The following NCKAP5 variants were observed in gnomAD, a reference collection of about 807,000 sequenced individuals.
The protein encoded by NCKAP5 is NCK associated protein 5.
A neutral mutation model predicts 167.0 loss-of-function variants in NCKAP5; 92 were observed. The ratio of observed to expected loss-of-function variants is 0.55; its 90% CI spans 0.47 to 0.66. The LOEUF (loss-of-function observed/expected upper bound fraction) is 0.66. NCKAP5 is among the 30% of genes least tolerant of loss of function. NCKAP5 has a pLI of 0.00. For synonymous variants in NCKAP5, 891 were observed against 877.4 expected (o/e 1.02, Z -0.27); for missense variants, 2,378 against 2,315.0 (o/e 1.03, Z -0.56).
rs2082096761 is a variant in NCKAP5 at position 133,116,730 on chromosome 2, C to T, written c.341+13248G>A. On this transcript the variant is annotated intron_variant, in intron 6 of 19. Transcript: ENST00000409261. ...TGTAGTGTACAACAGGAAGAGAACC[C>T]TTAAGGGACAGACAGACCTGACTTA... Among the ~76,000 whole-genome samples, 4 of 152,228 alleles carry T rather than the reference C, an allele frequency of 2.6e-5. No individual in the cohort carries two copies. In the South Asian group the frequency reaches 6.2e-4, roughly 24 times the overall value.
intron 12 of NCKAP5, among the ~76,000 whole-genome samples, chr2:132,793,146 A>G (rs970196078): frequency 2.6e-5 from 4 of 152,222 alleles, no homozygotes; most frequent in African/African-American, 9.6e-5. Flanking sequence ...AGTAGCTGGC[A>G]TTACAGGCAT....
chr2:133,443,665 C>T (rs537008990), intron 3 of NCKAP5, among the ~76,000 whole-genome samples: 84 of 152,290 alleles, frequency 5.5e-4, no homozygotes, highest in Non-Finnish European at 5.6e-4. Context: ...AGCATGCAGA[C>T]TTCCATCAAC....
chr2:133,212,231 T>G (rs2086239983), intron 5 of NCKAP5, among the ~76,000 whole-genome samples: 1 of 152,192 alleles, frequency 6.6e-6, no homozygotes, highest in Non-Finnish European at 1.5e-5. Context: ...AACAAAAGAC[T>G]GAAACATTAC....
chr2:132,894,442 T>G (rs968949920), intron 8 of NCKAP5, among the ~76,000 whole-genome samples: 1 of 152,138 alleles, frequency 6.6e-6, no homozygotes, highest in African/African-American at 2.4e-5. Flanking sequence ...ATGTAATGAC[T>G]TTTTTTTCTT....
intron 8 of NCKAP5, among the ~76,000 whole-genome samples, chr2:132,925,624 T>G (rs1471100572): frequency 6.8e-6 from 1 of 148,060 alleles, no homozygotes; most frequent in Non-Finnish European, 1.5e-5. Flanking sequence ...GCAGAGGAGC[T>G]CAGGCAGTAA....
At chr2:132,957,911 CT>C (rs554406883) in intron 8 of NCKAP5, among the ~76,000 whole-genome samples, 2 of 152,106 alleles carry the variant, frequency 1.3e-5, no homozygotes, top group Admixed American at 1.3e-4. Flanking sequence ...AGATCATACT[CT>C]TTTTTTGTAC....
intron 3 of NCKAP5, among the ~76,000 whole-genome samples, chr2:133,463,171 T>C (rs1352469969): frequency 6.6e-6 from 1 of 152,232 alleles, no homozygotes; most frequent in Non-Finnish European, 1.5e-5. Flanking sequence ...CTTTAGCCAC[T>C]TTACCTACAG....
At chr2:133,488,730 A>G (rs1221235042) in intron 3 of NCKAP5, among the ~76,000 whole-genome samples, 1 of 152,076 alleles carries the variant, frequency 6.6e-6, no homozygotes, top group Non-Finnish European at 1.5e-5. Context: ...AAGACGGCCA[A>G]CACGGTGAAA....
At chr2:133,550,172 G>A (rs1322708757) in intron 2 of NCKAP5, among the ~76,000 whole-genome samples, 1 of 143,448 alleles carries the variant, frequency 7.0e-6, no homozygotes, top group Admixed American at 6.9e-5. Context: ...AGAGGTACAA[G>A]GAGGAACTGG....
chr2:132,784,897 C>CA lies in NCKAP5; in HGVS notation c.1913dup (p.Pro639AlafsTer7). The CA allele has an allele frequency of 6.4e-7, 1 of 1,568,614 alleles. No individual in the cohort carries two copies. Among genetic ancestry groups the CA allele is most frequent in the Non-Finnish European group, 8.6e-7 (1 of 1,158,646 alleles). ...TTGGCCTAGTCTCTGAAGGGATGGG[C>CA]ACTTGTTTTTCCTCCTCTTCAGGAG... On this transcript the variant is annotated frameshift_variant, in exon 14 of 20. Transcript: ENST00000409261. LOFTEE classifies it high-confidence loss of function.
chr2:132,769,419 T>C (rs538700447), intron 16 of NCKAP5, among the ~76,000 whole-genome samples: 263 of 152,340 alleles, frequency 1.7e-3, no homozygotes, highest in Non-Finnish European at 2.8e-3. Flanking sequence ...ATTTGCACAG[T>C]TGCTGTTATT....
At chr2:133,005,294 G>A (rs557922938) in intron 6 of NCKAP5, among the ~76,000 whole-genome samples, 3 of 152,152 alleles carry the variant, frequency 2.0e-5, no homozygotes, top group Non-Finnish European at 4.4e-5. Context: ...AATTATTAAA[G>A]TATTAATTTG....
chr2:133,385,941 T>C (rs1405980238), intron 3 of NCKAP5, among the ~76,000 whole-genome samples: 2 of 150,010 alleles, frequency 1.3e-5, no homozygotes, highest in East Asian at 2.0e-4. Context: ...CTCTCTTTTC[T>C]TCTTTATTAG....
intron 3 of NCKAP5, among the ~76,000 whole-genome samples, chr2:133,380,703 G>C (rs1297692729): frequency 2.0e-5 from 3 of 152,136 alleles, no homozygotes; most frequent in Non-Finnish European, 4.4e-5. Flanking sequence ...ACCTTGTCAG[G>C]ATCTCAGGCC....
At chr2:133,262,162 T>C (rs1254936438) in intron 4 of NCKAP5, among the ~76,000 whole-genome samples, 1 of 152,202 alleles carries the variant, frequency 6.6e-6, no homozygotes, top group African/African-American at 2.4e-5. Context: ...TTTATTTTTA[T>C]AGATGATGAA....
intron 6 of NCKAP5, among the ~76,000 whole-genome samples, chr2:133,070,239 G>C (rs2080343112): frequency 6.6e-6 from 1 of 152,070 alleles, no homozygotes; most frequent in South Asian, 2.1e-4. Context: ...AAGACTGTCA[G>C]GATAATTACC....
chr2:132,793,531 A>G (rs1285905617), intron 12 of NCKAP5, among the ~76,000 whole-genome samples: 1 of 152,256 alleles, frequency 6.6e-6, no homozygotes, highest in Non-Finnish European at 1.5e-5. Flanking sequence ...ATTTTTAACA[A>G]GTTCCCAGGT....
intron 5 of NCKAP5, among the ~76,000 whole-genome samples, chr2:133,131,922 A>G (rs922417565): frequency 2.6e-5 from 4 of 152,112 alleles, no homozygotes; most frequent in African/African-American, 9.7e-5. Context: ...CAAGTCACCA[A>G]TACTACAGAA....
intron 6 of NCKAP5, among the ~76,000 whole-genome samples, chr2:133,081,700 T>A (rs1372566797): frequency 1.3e-5 from 2 of 152,184 alleles, no homozygotes; most frequent in African/African-American, 4.8e-5. Flanking sequence ...AATATATTCT[T>A]TCTCAATGTC....
Sources: allele counts gnomAD v4.1 joint callset (sites outside exome capture counted in the v4.1 genomes callset), GRCh38; gene constraint gnomAD v4.1.1; transcripts MANE v1.5; gene names NCBI Gene and HGNC (gene_info 2026-07-23, HGNC 2026-07-21).